DPP3: variants seen among roughly 807,000 people sequenced by gnomAD.
DPP3 encodes DPP III.
DPP3 carries 64 observed loss-of-function variants against 89.8 expected under a neutral mutation model. That is an observed-to-expected ratio of 0.71 (90% CI 0.58 to 0.88). DPP3 has a LOEUF of 0.88. Among genes scored for constraint, DPP3 ranks in the 40% least tolerant of loss-of-function variants. The pLI is 0.00. For missense variants in DPP3, 835 were observed against 972.5 expected, an observed-to-expected ratio of 0.86 and a Z score of 1.88; for synonymous variants, 377 against 404.3, an observed-to-expected ratio of 0.93 and a Z score of 0.81.
At chr11:66,481,422 G>A (rs570848449) in intron 1 of DPP3, among the ~76,000 whole-genome samples, 76 of 152,076 alleles carry the variant, frequency 5.0e-4, no homozygotes, top group Admixed American at 1.6e-3. Flanking sequence ...CCCGGGAGGC[G>A]GAGGTTGCAG....
At position 66,487,266 on chromosome 11, in the gene DPP3, A is replaced by G; in HGVS notation, c.499-2A>G. The G allele has an allele frequency of 6.2e-7, 1 of 1,613,928 alleles. No homozygotes were observed. Among genetic ancestry groups the G allele is most frequent in the Non-Finnish European group, 8.5e-7 (1 of 1,179,862 alleles). ...TCTCATGTCCCCTGTCTTCCCCAAC[A>G]GGGAATCACCACCTATTTCTCTGGG... On this transcript the variant is annotated splice_acceptor_variant, in intron 4 of 17. Coordinates refer to ENST00000531863, the MANE Select transcript of DPP3 (RefSeq NM_130443.4). LOFTEE classifies it high-confidence loss of function.
At chr11:66,488,877 A>G (rs2134725798) in intron 6 of DPP3, among the ~76,000 whole-genome samples, 1 of 152,138 alleles carries the variant, frequency 6.6e-6, no homozygotes, top group African/African-American at 2.4e-5. Context: ...TTTGAGACAG[A>G]GTCTTGCTGT....
chr11:66,496,685 A>T (rs1166087044), intron 15 of DPP3, among the ~76,000 whole-genome samples: 2 of 152,082 alleles, frequency 1.3e-5, no homozygotes, highest in Non-Finnish European at 2.9e-5. Context: ...AAGTGCTGGG[A>T]TTACAGGTGT....
In DPP3 at chr11:66,482,192, G is replaced by A; in HGVS notation, c.-8-1G>A. On this transcript the variant is annotated splice_acceptor_variant, in intron 1 of 17. Coordinates refer to ENST00000531863, the MANE Select transcript of DPP3 (RefSeq NM_130443.4). LOFTEE classifies it low-confidence loss of function (5UTR_SPLICE). ...GCTGTGATGACAGTGATGGTTCTCA[G>A]CAGGGCCCATGGCGGACACCCAGTA... 6.2e-7 allele frequency: 1 copy of A among 1,613,786 alleles called. No homozygotes were observed. The highest frequency in any genetic ancestry group is 1.1e-5 in the South Asian group (1 of 91,020).
At chr11:66,504,904 T>C in intron 17 of DPP3, 130 bp downstream of exon 17, 2 of 1,025,452 alleles carry the variant, frequency 2.0e-6, no homozygotes, top group Non-Finnish European at 2.7e-6. Context: ...CTTCCCTTTC[T>C]GCCAAGGTCC....
chr11:66,484,031 G>A (rs915296148), intron 2 of DPP3, among the ~76,000 whole-genome samples: 5 of 151,734 alleles, frequency 3.3e-5, no homozygotes, highest in Non-Finnish European at 7.4e-5. Context: ...AGGCCGGAGT[G>A]CAGTGGCACA....
At chr11:66,496,652 G>A (rs929492496) in intron 15 of DPP3, among the ~76,000 whole-genome samples, 1 of 152,142 alleles carries the variant, frequency 6.6e-6, no homozygotes, top group Non-Finnish European at 1.5e-5. Flanking sequence ...CTGACCTTGT[G>A]ATCCGCCCGC....
intron 2 of DPP3, among the ~76,000 whole-genome samples, chr11:66,484,849 G>GT (rs1855179313): frequency 6.6e-6 from 1 of 152,188 alleles, no homozygotes; most frequent in African/African-American, 2.4e-5. Context: ...AGAGGGAGGT[G>GT]CTGCTGGAAC....
intron 2 of DPP3, among the ~76,000 whole-genome samples, chr11:66,483,702 C>T (rs889319352): frequency 3.3e-5 from 5 of 152,188 alleles, no homozygotes; most frequent in African/African-American, 4.8e-5. Flanking sequence ...TGTACATTTA[C>T]AATTGACTGA....
rs770041983 is a variant in DPP3 at position 66,485,240 on chromosome 11, A to G, written c.338A>G (p.Lys113Arg). 5 of 1,606,328 alleles carry G rather than the reference A, an allele frequency of 3.1e-6. No homozygotes were observed. Among genetic ancestry groups the G allele is most frequent in the Non-Finnish European group, 4.3e-6 (5 of 1,175,250 alleles). Residue 113 changes from lysine to arginine, a missense_variant, in exon 3 of 18, where the codon AAG (lysine) becomes AGG (arginine). Transcript: ENST00000531863. ...MGNYKSFGDT[K>R]FVPNLPKEKL... Reference sequence around the variant, plus strand: ...AACTACAAGTCCTTTGGTGACACCAAGTTTGTTCCCAACTTGCCCAAGGTG... The same window carrying G: ...AACTACAAGTCCTTTGGTGACACCAGGTTTGTTCCCAACTTGCCCAAGGTG...
intron 12 of DPP3, among the ~76,000 whole-genome samples, chr11:66,494,809 G>A (rs954990461): frequency 7.2e-5 from 11 of 152,330 alleles, no homozygotes; most frequent in East Asian, 3.9e-4. Flanking sequence ...GAATGACACC[G>A]TGGCCTCCTC....
chr11:66,495,252 C>A lies in DPP3; in HGVS notation c.1436C>A (p.Pro479Gln). ...TTTGACCAGGAAACAGTGATCAACC[C>A]AGAGACGGGCGAGCAGGTGAGGGAG... ...FNFDQETVIN[P>Q]ETGEQIQSWY... The change falls in exon 13 of 18, where the codon CCA becomes CAA. Residue 479 changes from proline to glutamine, a missense_variant. Transcript: ENST00000531863. 6.2e-7 allele frequency: 1 copy of A among 1,613,066 alleles called. No homozygotes were observed. Among genetic ancestry groups the A allele is most frequent in the East Asian group, 2.2e-5 (1 of 44,882 alleles).
At chr11:66,481,899 C>T (rs939969088) in intron 1 of DPP3, among the ~76,000 whole-genome samples, 3 of 152,134 alleles carry the variant, frequency 2.0e-5, no homozygotes, top group Non-Finnish European at 2.9e-5. Flanking sequence ...CCACACACCT[C>T]GGCCTCCCAA....
intron 17 of DPP3, among the ~76,000 whole-genome samples, chr11:66,508,316 C>T (rs1367820887): frequency 6.6e-6 from 1 of 152,152 alleles, no homozygotes. Context: ...GCCATGGTGG[C>T]TAGCATTTGT....
At chr11:66,497,884 C>G (rs1396676329) in intron 16 of DPP3, among the ~76,000 whole-genome samples, 1 of 149,970 alleles carries the variant, frequency 6.7e-6, no homozygotes, top group African/African-American at 2.5e-5. Context: ...GAGTGAGACC[C>G]TATCTCTAAA....
intron 6 of DPP3, among the ~76,000 whole-genome samples, chr11:66,489,251 C>T (rs1196595336): frequency 1.3e-5 from 2 of 152,214 alleles, no homozygotes; most frequent in African/African-American, 4.8e-5. Flanking sequence ...CACCTCCTCC[C>T]CATCCTCTAG....
At chr11:66,482,124 A>G in intron 1 of DPP3, 69 bp from the exon 2 acceptor site, 1 of 1,574,012 alleles carries the variant, frequency 6.4e-7, no homozygotes, top group Non-Finnish European at 8.7e-7. Context: ...TGAGATCATA[A>G]GAGTTCAGAG....
At chr11:66,490,612 G>A (rs1461583642) in intron 6 of DPP3, among the ~76,000 whole-genome samples, 7 of 152,070 alleles carry the variant, frequency 4.6e-5, no homozygotes, top group East Asian at 3.9e-4. Context: ...TTAAGCTCTC[G>A]GTGCCTTAGT....
chr11:66,493,520 G>T, intron 11 of DPP3, 21 bp from the exon 12 acceptor site: 1 of 1,611,770 alleles, frequency 6.2e-7, no homozygotes, highest in Middle Eastern at 1.8e-4. Context: ...GGACAGCGCG[G>T]GTCTCTGCTT....
Sources: gnomAD v4.1 joint callset for allele counts (sites outside exome capture counted in the v4.1 genomes callset) on GRCh38, gnomAD v4.1.1 for gene constraint, MANE v1.5 for transcripts, NCBI Gene and HGNC (gene_info 2026-07-23, HGNC 2026-07-21) for gene names.